SYT5: variants seen among roughly 807,000 people sequenced by gnomAD.
SYT5 encodes the protein synaptotagmin 5.
Under a neutral mutation model 36.0 loss-of-function variants are expected in SYT5, and 29 were observed. The observed-to-expected ratio is 0.81, with a 90% confidence interval of 0.60 to 1.10. SYT5 has a LOEUF of 1.10. Among genes scored for constraint, SYT5 ranks in the 50% least tolerant of loss-of-function variants. The pLI is 0.00. For missense variants in SYT5, 512 were observed against 516.0 expected (o/e 0.99, Z 0.08); for synonymous variants, 231 against 227.6 (o/e 1.02, Z -0.14).
chr19:55,175,877 C>T lies in SYT5; in HGVS notation c.373-1G>A. Reference sequence around the variant, plus strand: ...TTGCTTGCAGAATGCCCACCAGCAGCTGCAGGGCCCAGGCACAGTGGGGGA... The same window carrying T: ...TTGCTTGCAGAATGCCCACCAGCAGTTGCAGGGCCCAGGCACAGTGGGGGA... On this transcript the variant is annotated splice_acceptor_variant, in intron 4 of 8. Transcript: ENST00000354308. LOFTEE classifies it high-confidence loss of function. This position sits in a 1 kb window ranked among gnomAD's most constrained non-coding sequence, Gnocchi z 4.5. 1 of 1,614,166 alleles carries T rather than the reference C, an allele frequency of 6.2e-7. No homozygotes were observed. The highest frequency in any genetic ancestry group is 8.5e-7 in the Non-Finnish European group (1 of 1,180,014).
intron 3 of SYT5, chr19:55,177,424 AGAAGTCACCTCCACCAC>A (rs1180890260): frequency 6.6e-6 from 1 of 152,230 alleles, no homozygotes. Flanking sequence ...GTCTCAGTGC[AGAAGTCACCTCCACCAC>A]GAAGCCTCCT....
Position 55,175,046 on chromosome 19 carries a change from G to T in SYT5, c.709-47C>A, listed in dbSNP as rs12459930. ...ACCAGAGCCCCGGCTCCACATCCAT[G>T]CCTCCTCAGGGGTACAATCCACGCC... On this transcript the variant is annotated intron_variant, in intron 6 of 8. Transcript: ENST00000354308. This position sits in a 1 kb window ranked among gnomAD's most constrained non-coding sequence, Gnocchi z 4.5. 86,760 of 1,604,466 alleles carry T rather than the reference G, an allele frequency of 0.054. 7,339 individuals carry two copies. The highest frequency in any genetic ancestry group is 0.34 in the Admixed American group (20,541 of 59,828).
Position 55,173,675 on chromosome 19 carries a change from C to A in SYT5, c.970G>T (p.Val324Leu). The change falls in exon 9 of 9, where the codon GTG becomes TTG. Residue 324 changes from valine (V) to leucine (L), a missense_variant. Physicochemically the swap from Val to Leu is conservative, Grantham distance 32. Transcript: ENST00000354308. The surrounding 1 kb of genome is among the most constrained non-coding windows in gnomAD (Gnocchi z 5.4). The part of the protein sequence containing the change: ...VPCDQVQKVQ[V>L]ELTVLDYDKL... ...TCGTAGTCCAGCACGGTCAGCTCCA[C>A]CTGCACCTTCTGGGGTGGGCGCGGG... The A allele has an allele frequency of 4.9e-6, 7 of 1,416,090 alleles. No homozygotes were observed. Among genetic ancestry groups the A allele is most frequent in the Non-Finnish European group, 6.5e-6 (7 of 1,081,422 alleles). 87.7% of individuals were successfully genotyped at this position (1,416,090 alleles called of 1,614,324 possible). A position where few individuals can be genotyped will look rare whatever the true frequency, so the allele number is the denominator to read the frequency against.
Position 55,174,572 on chromosome 19 carries a change from A to G in SYT5, c.905T>C (p.Leu302Pro). Residue 302 changes from leucine (L) to proline (P), a missense_variant, in exon 8 of 9, where the codon CTG becomes CCG. Physicochemically the swap from Leu to Pro is moderately conservative, Grantham distance 98. Transcript: ENST00000354308. ...GAAAGCTTCGTTGTAATAGGGGTTC[A>G]GAGTGTTCTTCTTGATGGTGGTTTT... The part of the protein sequence containing the change: ...KKKTTIKKNT[L>P]NPYYNEAFSF... 2.5e-6 allele frequency: 4 copies of G among 1,614,122 alleles called. No individual in the cohort carries two copies. The highest frequency in any genetic ancestry group is 3.4e-6 in the Non-Finnish European group (4 of 1,179,986).
In SYT5 at chr19:55,173,614, G is replaced by A. The variant is rs1380656801; in HGVS notation, c.1031C>T (p.Ala344Val). 2 of 1,488,884 alleles carry A rather than the reference G, an allele frequency of 1.3e-6. No individual in the cohort carries two copies. Among genetic ancestry groups the A allele is most frequent in the East Asian group, 2.9e-5 (1 of 34,362 alleles). 92.2% of individuals were successfully genotyped at this position (1,488,884 alleles called of 1,614,324 possible). Residue 344 changes from alanine to valine, a missense_variant, in exon 9 of 9, where the codon GCC becomes GTC. Coordinates refer to ENST00000354308, the MANE Select transcript of SYT5 (RefSeq NM_003180.3). This position sits in a 1 kb window ranked among gnomAD's most constrained non-coding sequence, Gnocchi z 5.4. Reference protein sequence around the residue: ...LGKNEAIGRVAVGAAAGGAGL... With the variant: ...LGKNEAIGRVVVGAAAGGAGL... ...AGCCCCGCCGGCGGCCGCCCCCACGGCCACCCTCCCGATGGCCTCGTTCTT... is the reference window on the plus strand; with the variant it reads ...AGCCCCGCCGGCGGCCGCCCCCACGACCACCCTCCCGATGGCCTCGTTCTT...
chr19:55,179,418 C>T lies in SYT5; in HGVS notation c.-45-332G>A, dbSNP rs1186231451. 2.1e-6 allele frequency: 1 copy of T among 475,026 alleles called. No individual in the cohort carries two copies. Among genetic ancestry groups the T allele is most frequent in the East Asian group, 3.6e-5 (1 of 28,042 alleles). 29.4% of individuals were successfully genotyped at this position (475,026 alleles called of 1,614,324 possible). A position where few individuals can be genotyped will look rare whatever the true frequency, so the allele number is the denominator to read the frequency against. The stretch of plus-strand genomic sequence containing the variant: ...GTTGCCCAGAGCAACAGCCGGGCTC[C>T]TCTCAAGCGGGGTGAGAGCAAAGCT... On this transcript the variant is annotated intron_variant, in intron 1 of 8. Transcript: ENST00000354308. This position sits in a 1 kb window ranked among gnomAD's most constrained non-coding sequence, Gnocchi z 4.5.
Position 55,178,969 on chromosome 19 carries a change from C to A in SYT5, c.73G>T (p.Gly25Cys). The change falls in exon 2 of 9, where the codon GGC (glycine) becomes TGC (cysteine). Residue 25 changes from glycine to cysteine, a missense_variant. Gly to Cys is a radical substitution (Grantham distance 159, BLOSUM62 -3). Transcript: ENST00000354308. ...TPPDSSRISH[G>C]PVPPWALATI... ...ACCCCCGGGTCTTGCTCACCTGGGC[C>A]GTGGCTGATGCGACTGGAGTCGGGA... The A allele has an allele frequency of 6.4e-7, 1 of 1,560,704 alleles. No homozygotes were observed. Among genetic ancestry groups the A allele is most frequent in the South Asian group, 1.2e-5 (1 of 83,778 alleles).
chr19:55,174,009 G>A (rs2086037198), intron 8 of SYT5: 1 of 321,206 alleles, frequency 3.1e-6, no homozygotes, highest in Non-Finnish European at 5.6e-6. Flanking sequence ...CAGGGGCCGG[G>A]CTAGGGTAGG....
chr19:55,178,098 C>T, intron 3 of SYT5, 98 bp downstream of exon 3: 1 of 1,401,408 alleles, frequency 7.1e-7, no homozygotes, highest in Non-Finnish European at 9.6e-7. Context: ...AGGTGGGTTC[C>T]TATAGGACAG....
rs1031613182 is a variant in SYT5, at chr19:55,171,501, G to A, written c.*1983C>T. On this transcript the variant is annotated 3_prime_UTR_variant, in exon 9 of 9. Transcript: ENST00000354308. ...TGTTTGCTGCCTCCTTTTTTGGTAC[G>A]TGGGGGTAATTTTTGCCTCATTCTC... is the stretch of plus-strand genomic sequence containing the variant. 14 of 152,110 alleles carry A rather than the reference G, an allele frequency of 9.2e-5. No homozygotes were observed. The highest frequency in any genetic ancestry group is 3.3e-4 in the Admixed American group (5 of 15,264). 9.4% of individuals were successfully genotyped at this position (152,110 alleles called of 1,614,324 possible).
rs1451312427 is a variant in SYT5, at chr19:55,173,830, G to A, written c.961-146C>T. 8.0e-6 allele frequency: 6 copies of A among 746,416 alleles called. No individual in the cohort carries two copies. Among genetic ancestry groups the A allele is most frequent in the Non-Finnish European group, 1.1e-5 (6 of 522,960 alleles). The allele number at this position is 746,416 out of a possible 1,614,324, so 46.2% of individuals were successfully genotyped here. A position where few individuals can be genotyped will look rare whatever the true frequency, so the allele number is the denominator to read the frequency against. ...GGAGCTCGGGACGGGGGAGGGGGTG[G>A]GAGACGAGAGGGACGGAGCCTGCGG... On this transcript the variant is annotated intron_variant, in intron 8 of 8. Transcript: ENST00000354308. The surrounding 1 kb of genome is among the most constrained non-coding windows in gnomAD (Gnocchi z 5.4).
chr19:55,178,938 C>T (rs750775690), intron 2 of SYT5, 25 bp downstream of exon 2: 213 of 1,473,240 alleles, frequency 1.4e-4, no homozygotes, highest in Non-Finnish European at 1.9e-4. Flanking sequence ...CTCTGCTCGG[C>T]CCCCCACCCC....
rs753486571 is a variant in SYT5 at position 55,174,502 on chromosome 19, C to T, written c.960+15G>A. The T allele has an allele frequency of 2.5e-6, 4 of 1,612,110 alleles. No homozygotes were observed. Among genetic ancestry groups the T allele is most frequent in the Non-Finnish European group, 1.7e-6 (2 of 1,178,944 alleles). The stretch of plus-strand genomic sequence containing the variant: ...AAAGGTCTGGGCTCTTGGAGAAGGG[C>T]AGGTTTGAGCTCACCTGGACTTGGT... On this transcript the variant is annotated intron_variant, in intron 8 of 8. Transcript: ENST00000354308.
chr19:55,174,740 T>C (rs2086051677), intron 7 of SYT5, 90 bp from the exon 8 acceptor site: 1 of 1,591,396 alleles, frequency 6.3e-7, no homozygotes, highest in East Asian at 2.2e-5. Flanking sequence ...CGGGTCTCCC[T>C]AGCTCTATGC....
Position 55,179,189 on chromosome 19 carries a change from C to A in SYT5, c.-45-103G>T. On this transcript the variant is annotated intron_variant, in intron 1 of 8. Transcript: ENST00000354308. The surrounding 1 kb of genome is among the most constrained non-coding windows in gnomAD (Gnocchi z 4.5). ...CGCGAACAGCCGCGCAGAAACCGGA[C>A]AGCCACCGCGAGTCATGCTGGGAGT... 6.5e-7 allele frequency: 1 copy of A among 1,533,720 alleles called. No homozygotes were observed. The highest frequency in any genetic ancestry group is 8.7e-7 in the Non-Finnish European group (1 of 1,145,432).
At position 55,175,897 on chromosome 19, in the gene SYT5, G is replaced by A. The variant is rs998162641; in HGVS notation, c.373-21C>T. On this transcript the variant is annotated intron_variant, in intron 4 of 8. Coordinates refer to ENST00000354308, the MANE Select transcript of SYT5 (RefSeq NM_003180.3). This position sits in a 1 kb window ranked among gnomAD's most constrained non-coding sequence, Gnocchi z 4.5. ...AGCAGCTGCAGGGCCCAGGCACAGT[G>A]GGGGAGGTGGGGAACACTAGTCTTA... 3.1e-6 allele frequency: 5 copies of A among 1,613,736 alleles called. No individual in the cohort carries two copies. Among genetic ancestry groups the A allele is most frequent in the Non-Finnish European group, 4.2e-6 (5 of 1,179,858 alleles).
intron 3 of SYT5, among the ~76,000 whole-genome samples, chr19:55,176,453 G>A (rs2086078442): frequency 1.3e-5 from 2 of 152,234 alleles, no homozygotes; most frequent in African/African-American, 4.8e-5. Flanking sequence ...GCTAATGGAT[G>A]TACTGGGGTG....
intron 8 of SYT5, among the ~76,000 whole-genome samples, chr19:55,174,228 T>C (rs2086043039): frequency 6.8e-6 from 1 of 146,160 alleles, no homozygotes; most frequent in African/African-American, 2.6e-5. Context: ...CTGGTTCCGC[T>C]TGGTGGGGCG....
In SYT5 at chr19:55,172,909, G is replaced by T; in HGVS notation, c.*575C>A. 6.6e-6 allele frequency: 1 copy of T among 152,588 alleles called. No homozygotes were observed. The highest frequency in any genetic ancestry group is 1.5e-5 in the Non-Finnish European group (1 of 68,210). 9.5% of individuals were successfully genotyped at this position (152,588 alleles called of 1,614,324 possible). A position where few individuals can be genotyped will look rare whatever the true frequency, so the allele number is the denominator to read the frequency against. On this transcript the variant is annotated 3_prime_UTR_variant, in exon 9 of 9. Transcript: ENST00000354308. ...ACATTCTCCAGAGGAGGAAACCCAG[G>T]CTCAGAGTGGTGAGTGAGGAATGAA...
Sources: allele counts gnomAD v4.1 joint callset (sites outside exome capture counted in the v4.1 genomes callset), GRCh38; gene constraint gnomAD v4.1.1; non-coding constraint Gnocchi (gnomAD v3.1); transcripts MANE v1.5; gene names NCBI Gene and HGNC (gene_info 2026-07-23, HGNC 2026-07-21).